The following PLCL1 variants were observed in gnomAD, a reference collection of about 807,000 sequenced individuals.
PLCL1 encodes the protein phospholipase C like 1 (inactive).
Under a neutral mutation model 84.4 loss-of-function variants are expected in PLCL1, and 41 were observed. The ratio of observed to expected loss-of-function variants is 0.49; its 90% confidence interval spans 0.38 to 0.63. The LOEUF is 0.63. Among genes scored for constraint, PLCL1 ranks in the 30% least tolerant of loss-of-function variants. The pLI, the probability that PLCL1 is intolerant of heterozygous loss-of-function variation, is 0.00. For synonymous variants in PLCL1, 490 were observed against 488.3 expected (o/e 1.00, Z -0.05); for missense variants, 1,206 against 1,367.8 (o/e 0.88, Z 1.87).
intron 1 of PLCL1, among the ~76,000 whole-genome samples, chr2:198,019,104 AC>A (rs1171309540): frequency 6.6e-6 from 1 of 152,042 alleles, no homozygotes; most frequent in Non-Finnish European, 1.5e-5. Flanking sequence ...TCTGGAGTGG[AC>A]CCCCAGCAAA....
intron 2 of PLCL1, among the ~76,000 whole-genome samples, chr2:198,087,061 A>C (rs188986498): frequency 2.4e-3 from 360 of 152,326 alleles, no homozygotes; most frequent in Middle Eastern, 0.01. Context: ...CTAAACAAAA[A>C]AAATTGGCAC....
At chr2:198,088,133 T>G (rs1451337609) in intron 2 of PLCL1, among the ~76,000 whole-genome samples, 1 of 152,204 alleles carries the variant, frequency 6.6e-6, no homozygotes, top group Admixed American at 6.5e-5. Flanking sequence ...TTTTATATTA[T>G]GTATTTAAAA....
chr2:198,145,550 A>G (rs1490988057), intron 5 of PLCL1, among the ~76,000 whole-genome samples: 1 of 152,214 alleles, frequency 6.6e-6, no homozygotes, highest in Admixed American at 6.5e-5. Context: ...TCTTCTTCCA[A>G]AATCCCATAC....
chr2:197,981,510 G>A (rs549629430), intron 1 of PLCL1, among the ~76,000 whole-genome samples: 11 of 152,158 alleles, frequency 7.2e-5, no homozygotes, highest in Non-Finnish European at 1.5e-4. Context: ...TTATTTGCAT[G>A]TAAATCATAT....
intron 1 of PLCL1, among the ~76,000 whole-genome samples, chr2:197,959,009 C>T (rs139932347): frequency 8.6e-4 from 130 of 152,042 alleles, no homozygotes; most frequent in African/African-American, 2.9e-3. Context: ...CTCACTCTAC[C>T]AGGATTACTG....
intron 1 of PLCL1, among the ~76,000 whole-genome samples, chr2:197,823,613 A>G (rs1343101277): frequency 6.6e-6 from 1 of 152,162 alleles, no homozygotes; most frequent in African/African-American, 2.4e-5. Context: ...TGTTTGAGTC[A>G]TGGAGCAAAC....
intron 1 of PLCL1, among the ~76,000 whole-genome samples, chr2:197,931,296 C>G (rs1688926309): frequency 2.6e-5 from 4 of 152,140 alleles, no homozygotes; most frequent in Admixed American, 2.6e-4. Flanking sequence ...CACCTCAGAG[C>G]AGCATTCTGG....
chr2:197,811,496 T>C (rs1276747993), intron 1 of PLCL1, among the ~76,000 whole-genome samples: 1 of 152,210 alleles, frequency 6.6e-6, no homozygotes, highest in Non-Finnish European at 1.5e-5. Flanking sequence ...GGATTGTACA[T>C]GGTGAGTAGA....
intron 1 of PLCL1, among the ~76,000 whole-genome samples, chr2:197,908,788 T>C (rs1161209235): frequency 6.6e-6 from 1 of 152,220 alleles, no homozygotes; most frequent in African/African-American, 2.4e-5. Context: ...AATGCTCTTC[T>C]TTTTTCTTTT....
rs1240230662 is a variant in PLCL1, at chr2:198,086,169, T to C, written c.2652T>C (p.Asp884=). The change falls in exon 2 of 6, where the codon GAT becomes GAC. Residue 884 remains aspartate (D), a synonymous_variant. Coordinates refer to ENST00000428675, the MANE Select transcript of PLCL1 (RefSeq NM_006226.4). ...MLRNIGLKTI[D]DIFKIAVHPL... is the part of the protein sequence containing the mutation. ...GGAATATCGGTCTTAAAACCATTGA[T>C]GACATCTTTAAAATAGCGGTTCATC... The C allele has an allele frequency of 1.2e-6, 2 of 1,613,810 alleles. No homozygotes were observed. The highest frequency in any genetic ancestry group is 1.1e-5 in the South Asian group (1 of 91,078).
At chr2:198,109,860 T>C (rs1282493830) in intron 5 of PLCL1, among the ~76,000 whole-genome samples, 2 of 151,836 alleles carry the variant, frequency 1.3e-5, no homozygotes, top group Middle Eastern at 3.2e-3. Context: ...TATTACTTTG[T>C]GTTTTTAAAA....
At position 197,842,662 on chromosome 2, in the gene PLCL1, AC is replaced by A. The variant is rs201652811; in HGVS notation, c.240+37326del. ...TTTTTGTGGTTTCTGATTTCTCAAC[AC>A]CCATATTCTAACCCATTAGCTCCCT... is the stretch of plus-strand genomic sequence containing the variant. On this transcript the variant is annotated intron_variant, in intron 1 of 5. Coordinates refer to ENST00000428675, the MANE Select transcript of PLCL1 (RefSeq NM_006226.4). 8.0e-3 allele frequency among the ~76,000 whole-genome samples: 1,215 copies of A among 151,988 alleles called. 14 individuals carry two copies. The highest frequency in any genetic ancestry group is 0.027 in the African/African-American group (1,135 of 41,440).
chr2:197,973,132 A>G (rs1689904003), intron 1 of PLCL1, among the ~76,000 whole-genome samples: 1 of 152,164 alleles, frequency 6.6e-6, no homozygotes, highest in Non-Finnish European at 1.5e-5. Flanking sequence ...AAGAAACACA[A>G]TCTGGGTCTT....
At chr2:197,994,243 G>A (rs573606522) in intron 1 of PLCL1, among the ~76,000 whole-genome samples, 14 of 152,322 alleles carry the variant, frequency 9.2e-5, no homozygotes, top group African/African-American at 3.4e-4. Context: ...CCTCAGTAGA[G>A]ATGAGGAGAA....
At chr2:198,094,378 T>G (rs1374375567) in intron 3 of PLCL1, among the ~76,000 whole-genome samples, 3 of 152,186 alleles carry the variant, frequency 2.0e-5, no homozygotes, top group African/African-American at 7.2e-5. Context: ...TCCTTTTAAA[T>G]TAGTCTTGCA....
intron 1 of PLCL1, among the ~76,000 whole-genome samples, chr2:197,811,254 C>T (rs1039208259): frequency 6.6e-6 from 1 of 152,196 alleles, no homozygotes; most frequent in African/African-American, 2.4e-5. Flanking sequence ...AACATTCGGT[C>T]TTACATATTG....
At chr2:197,977,571 C>G (rs916790432) in intron 1 of PLCL1, among the ~76,000 whole-genome samples, 3 of 152,118 alleles carry the variant, frequency 2.0e-5, no homozygotes, top group African/African-American at 7.2e-5. Context: ...AAAGTGTCTT[C>G]CATATCTGTT....
At chr2:198,082,606 G>A (rs1259705846) in intron 1 of PLCL1, among the ~76,000 whole-genome samples, 2 of 152,104 alleles carry the variant, frequency 1.3e-5, no homozygotes, top group African/African-American at 2.4e-5. Flanking sequence ...GTGGTTGGGA[G>A]CATCATTAAT....
intron 1 of PLCL1, among the ~76,000 whole-genome samples, chr2:197,991,285 C>T (rs1690342012): frequency 6.6e-6 from 1 of 152,160 alleles, no homozygotes; most frequent in Non-Finnish European, 1.5e-5. Context: ...GGTTCTCAGG[C>T]CTTCACACTT....
Sources: allele counts gnomAD v4.1 joint callset (sites outside exome capture counted in the v4.1 genomes callset), GRCh38; gene constraint gnomAD v4.1.1; transcripts MANE v1.5; gene names NCBI Gene and HGNC (gene_info 2026-07-23, HGNC 2026-07-21).